PCDH9: variants seen among roughly 807,000 people sequenced by gnomAD.
PCDH9 encodes protocadherin-9.
In PCDH9, 24 loss-of-function variants were observed where a neutral mutation model predicts 70.6. The ratio of observed to expected loss-of-function variants is 0.34; its 90% CI spans 0.25 to 0.48. The LOEUF (loss-of-function observed/expected upper bound fraction) is 0.48. Among genes scored for constraint, PCDH9 ranks in the 20% least tolerant of loss-of-function variants. The pLI, the probability that PCDH9 is intolerant of heterozygous loss-of-function variation, is 0.99. For missense variants in PCDH9, 1,281 were observed against 1,503.6 expected (o/e 0.85, Z 2.45); for synonymous variants, 562 against 558.5 (o/e 1.01, Z -0.09).
chr13:66,929,640 T>A (rs985017657), intron 2 of PCDH9, among the ~76,000 whole-genome samples: 42 of 152,228 alleles, frequency 2.8e-4, no homozygotes, highest in African/African-American at 1.0e-3. Context: ...TTAAATTTTT[T>A]AAATATTGTG....
In PCDH9 at chr13:66,304,273, A is replaced by AC. The variant is rs1388544904; in HGVS notation, c.*381_*382insG. 7.7e-3 allele frequency: 1,235 copies of AC among 161,274 alleles called. 27 individuals carry two copies. The highest frequency in any genetic ancestry group is 0.028 in the African/African-American group (1,158 of 41,202). The allele number at this position is 161,274 out of a possible 1,614,324, so 10.0% of individuals were successfully genotyped here. Reference sequence around the variant, plus strand: ...ACAAATCAATGACAAAAAAAAAAAAAAAAAAAAAAAAAAGCACAATTTTCT... The same window carrying AC: ...ACAAATCAATGACAAAAAAAAAAAAACAAAAAAAAAAAAAGCACAATTTTCT... On this transcript the variant is annotated 3_prime_UTR_variant, in exon 5 of 5. Coordinates refer to ENST00000377865, the MANE Select transcript of PCDH9 (RefSeq NM_203487.3).
At chr13:66,545,456 C>A (rs1593653149) in intron 4 of PCDH9, among the ~76,000 whole-genome samples, 1 of 152,168 alleles carries the variant, frequency 6.6e-6, no homozygotes, top group Non-Finnish European at 1.5e-5. Context: ...GCTTCCATAT[C>A]TGATAAAATT....
At chr13:67,149,435 G>T (rs1337493876) in intron 2 of PCDH9, among the ~76,000 whole-genome samples, 1 of 151,852 alleles carries the variant, frequency 6.6e-6, no homozygotes, top group African/African-American at 2.4e-5. Flanking sequence ...GATATTTTAA[G>T]CAGTGCCCAG....
intron 3 of PCDH9, among the ~76,000 whole-genome samples, chr13:66,784,226 AT>A (rs2080044240): frequency 1.3e-5 from 2 of 152,254 alleles, no homozygotes; most frequent in South Asian, 2.1e-4. Flanking sequence ...TATCCCTTAT[AT>A]TTAGGTATTA....
At chr13:66,724,922 G>A (rs1024834044) in intron 3 of PCDH9, among the ~76,000 whole-genome samples, 2 of 151,992 alleles carry the variant, frequency 1.3e-5, no homozygotes, top group African/African-American at 4.8e-5. Context: ...TCTTATTTGG[G>A]TAGTCATTAT....
At chr13:66,775,894 G>A (rs2079884212) in intron 3 of PCDH9, among the ~76,000 whole-genome samples, 1 of 151,978 alleles carries the variant, frequency 6.6e-6, no homozygotes. Context: ...CTGACAAATG[G>A]GAATAGATCC....
intron 2 of PCDH9, among the ~76,000 whole-genome samples, chr13:67,194,618 C>T (rs554524974): frequency 3.2e-3 from 487 of 152,112 alleles, no homozygotes; most frequent in African/African-American, 0.011. Flanking sequence ...AATGTAAAAC[C>T]TTTGCTTCCT....
chr13:66,550,407 T>C (rs182450943), intron 4 of PCDH9, among the ~76,000 whole-genome samples: 1 of 152,248 alleles, frequency 6.6e-6, no homozygotes, highest in African/African-American at 2.4e-5. Flanking sequence ...CTCTTCCCAA[T>C]TACCCCATAG....
At chr13:66,583,180 C>A (rs939048162) in intron 4 of PCDH9, among the ~76,000 whole-genome samples, 79 of 149,792 alleles carry the variant, frequency 5.3e-4, no homozygotes, top group African/African-American at 1.8e-3. Flanking sequence ...AAATGAATAT[C>A]CTCTTCAGGA....
intron 2 of PCDH9, among the ~76,000 whole-genome samples, chr13:66,959,234 C>T (rs1049061864): frequency 1.3e-5 from 2 of 152,016 alleles, no homozygotes; most frequent in Non-Finnish European, 2.9e-5. Context: ...CACTTAGAGC[C>T]TCCAAAAATC....
intron 2 of PCDH9, among the ~76,000 whole-genome samples, chr13:66,946,790 C>T (rs2083095151): frequency 6.6e-6 from 1 of 151,654 alleles, no homozygotes; most frequent in Non-Finnish European, 1.5e-5. Flanking sequence ...GAATTTTAGT[C>T]CCAAAAGGTA....
intron 4 of PCDH9, among the ~76,000 whole-genome samples, chr13:66,447,950 A>G (rs1197001725): frequency 1.3e-5 from 2 of 152,188 alleles, no homozygotes; most frequent in African/African-American, 2.4e-5. Flanking sequence ...AGAAGAAGAA[A>G]AAATCCTACC....
intron 2 of PCDH9, among the ~76,000 whole-genome samples, chr13:67,185,148 A>C (rs1340096572): frequency 6.6e-6 from 1 of 152,222 alleles, no homozygotes; most frequent in East Asian, 1.9e-4. Context: ...ATTAGAAAAG[A>C]AGGAAAGAAA....
chr13:66,911,698 T>C (rs1410158606), intron 2 of PCDH9, among the ~76,000 whole-genome samples: 1 of 152,130 alleles, frequency 6.6e-6, no homozygotes, highest in Non-Finnish European at 1.5e-5. Flanking sequence ...ACAAGAGCAA[T>C]AATGCATTGA....
At chr13:66,826,009 T>G (rs2139394278) in intron 3 of PCDH9, among the ~76,000 whole-genome samples, 1 of 152,296 alleles carries the variant, frequency 6.6e-6, no homozygotes, top group South Asian at 2.1e-4. Flanking sequence ...ATGTATAAAT[T>G]TATATTTTCA....
intron 2 of PCDH9, among the ~76,000 whole-genome samples, chr13:67,061,389 GTC>G (rs2085536436): frequency 2.0e-5 from 3 of 150,706 alleles, no homozygotes; most frequent in African/African-American, 7.3e-5. Context: ...CTGTTTGTCT[GTC>G]TCTCTCCCTC....
intron 3 of PCDH9, among the ~76,000 whole-genome samples, chr13:66,662,814 T>C (rs534207376): frequency 1.3e-5 from 2 of 152,294 alleles, no homozygotes; most frequent in South Asian, 2.1e-4. Context: ...TTTTAAAACA[T>C]AGTATGTTAT....
At chr13:66,905,223 C>T (rs1421548931) in intron 2 of PCDH9, among the ~76,000 whole-genome samples, 1 of 151,644 alleles carries the variant, frequency 6.6e-6, no homozygotes, top group Admixed American at 6.6e-5. Context: ...CAGTTATTTT[C>T]ATCTGTGATG....
At chr13:66,997,731 C>T (rs918875946) in intron 2 of PCDH9, among the ~76,000 whole-genome samples, 1 of 152,082 alleles carries the variant, frequency 6.6e-6, no homozygotes, top group African/African-American at 2.4e-5. Flanking sequence ...GACGGGGTTT[C>T]ACCATGTTGG....
Sources: allele counts gnomAD v4.1 joint callset (sites outside exome capture counted in the v4.1 genomes callset), GRCh38; gene constraint gnomAD v4.1.1; transcripts MANE v1.5; gene names NCBI Gene and HGNC (gene_info 2026-07-23, HGNC 2026-07-21).